The following WDR33 variants were observed in gnomAD, a reference collection of about 807,000 sequenced individuals.
WDR33 encodes pre-mRNA 3' end processing protein WDR33.
A neutral mutation model predicts 164.9 loss-of-function variants in WDR33; 47 were observed. The observed-to-expected ratio is 0.29, with a 90% CI of 0.23 to 0.36. WDR33 has a LOEUF of 0.36. Ranked by LOEUF, WDR33 falls within the 10% of genes least tolerant of loss-of-function variation. The pLI is 1.00. For synonymous variants in WDR33, 505 were observed against 589.0 expected (o/e 0.86, Z 2.06); for missense variants, 1,137 against 1,754.1 (o/e 0.65, Z 6.28).
Position 127,709,932 on chromosome 2 carries a change from A to G in WDR33, c.3309-76T>C, listed in dbSNP as rs1314914198. 9 of 1,518,954 alleles carry G rather than the reference A, an allele frequency of 5.9e-6. No homozygotes were observed. 94.1% of individuals were successfully genotyped at this position (1,518,954 alleles called of 1,614,324 possible). On this transcript the variant is annotated intron_variant, in intron 18 of 21. Transcript: ENST00000322313. This position sits in a 1 kb window ranked among gnomAD's most constrained non-coding sequence, Gnocchi z 5.0. ...CTAAGTTCATGTTTCAAAGAAGCAT[A>G]TGATATGAGAAAGCATGATACAATG...
chr2:127,796,658 GCTT>G (rs1313522382), intron 1 of WDR33, among the ~76,000 whole-genome samples: 11 of 151,836 alleles, frequency 7.2e-5, no homozygotes, highest in African/African-American at 2.4e-4. Context: ...TTCATTACAT[GCTT>G]TTTTATTCCA....
chr2:127,748,229 T>C (rs1428947705), intron 7 of WDR33, among the ~76,000 whole-genome samples: 1 of 152,162 alleles, frequency 6.6e-6, no homozygotes, highest in African/African-American at 2.4e-5. Flanking sequence ...AATCCTATAA[T>C]ACATTATAAC....
At chr2:127,756,674 A>T (rs1687529808) in intron 7 of WDR33, among the ~76,000 whole-genome samples, 1 of 152,202 alleles carries the variant, frequency 6.6e-6, no homozygotes, top group Non-Finnish European at 1.5e-5. Context: ...ACAATTATAG[A>T]ACAGACAACT....
chr2:127,800,654 A>C (rs1689204833), intron 1 of WDR33, among the ~76,000 whole-genome samples: 5 of 141,814 alleles, frequency 3.5e-5, no homozygotes. Context: ...AAAAAAAAAA[A>C]CCAACAAGCA....
Position 127,702,256 on chromosome 2 carries a change from C to A in WDR33, c.*4067G>T. 1 of 1,147,196 alleles carries A rather than the reference C, an allele frequency of 8.7e-7. No individual in the cohort carries two copies. Among genetic ancestry groups the A allele is most frequent in the East Asian group, 4.2e-5 (1 of 23,704 alleles). 71.1% of individuals were successfully genotyped at this position (1,147,196 alleles called of 1,614,324 possible). A position where few individuals can be genotyped will look rare whatever the true frequency, so the allele number is the denominator to read the frequency against. On this transcript the variant is annotated 3_prime_UTR_variant, in exon 22 of 22. Transcript: ENST00000322313. ...CGCGCCGGCCGAGCTGAGGACTGCA[C>A]GCCGCTGTGCGGAAGCCCGTGGCGA... is the stretch of plus-strand genomic sequence containing the variant.
chr2:127,766,125 T>C (rs1687813065), intron 4 of WDR33, among the ~76,000 whole-genome samples: 1 of 152,232 alleles, frequency 6.6e-6, no homozygotes, highest in African/African-American at 2.4e-5. Flanking sequence ...GTGGCATATG[T>C]GCTGGTTAAT....
intron 1 of WDR33, among the ~76,000 whole-genome samples, chr2:127,790,687 T>C (rs187256789): frequency 1.3e-5 from 2 of 152,274 alleles, no homozygotes; most frequent in African/African-American, 4.8e-5. Flanking sequence ...CACAGTTCAC[T>C]GCAGCCTCGA....
chr2:127,775,073 A>C (rs1295215123), intron 1 of WDR33, among the ~76,000 whole-genome samples: 2 of 151,850 alleles, frequency 1.3e-5, no homozygotes, highest in Admixed American at 1.3e-4. Flanking sequence ...TGGTGGCTGC[A>C]AAAAACTGAA....
intron 7 of WDR33, among the ~76,000 whole-genome samples, chr2:127,740,400 C>A (rs971940155): frequency 2.0e-5 from 3 of 152,144 alleles, no homozygotes; most frequent in African/African-American, 7.2e-5. Flanking sequence ...CACACACGCA[C>A]ACATACACAC....
At chr2:127,781,122 C>T (rs1047543067) in intron 1 of WDR33, among the ~76,000 whole-genome samples, 7 of 152,174 alleles carry the variant, frequency 4.6e-5, no homozygotes, top group Non-Finnish European at 1.0e-4. Context: ...CCGCAGCCTC[C>T]CGAAGTGCTG....
chr2:127,765,043 A>C (rs1687783049), intron 5 of WDR33, 64 bp from the exon 6 acceptor site: 2 of 1,582,476 alleles, frequency 1.3e-6, no homozygotes, highest in African/African-American at 2.7e-5. Flanking sequence ...CTAAAGGCTT[A>C]CAAGAGCATA....
At chr2:127,771,677 C>G (rs1688007524) in intron 1 of WDR33, among the ~76,000 whole-genome samples, 1 of 151,712 alleles carries the variant, frequency 6.6e-6, no homozygotes, top group Admixed American at 6.6e-5. Flanking sequence ...ATTTGGGAGG[C>G]TGAGACAGGA....
chr2:127,731,284 G>C (rs1686698661), intron 7 of WDR33, among the ~76,000 whole-genome samples: 1 of 98,112 alleles, frequency 1.0e-5, no homozygotes, highest in Non-Finnish European at 1.8e-5. Context: ...AACAGAGCAA[G>C]ACCCTGCCTC....
At position 127,709,513 on chromosome 2, in the gene WDR33, G is replaced by A. The variant is rs1686101818; in HGVS notation, c.3542C>T (p.Ser1181Phe). 1 of 1,613,940 alleles carries A rather than the reference G, an allele frequency of 6.2e-7. No homozygotes were observed. Reference protein sequence around the residue: ...PRFEGGRKPDSWDGNREPGPG... With the variant: ...PRFEGGRKPDFWDGNREPGPG... ...ACCAGGCTCTCTGTTTCCATCCCAG[G>A]AATCTGGCTTCCGCCCTCCTTCAAA... Residue 1181 changes from serine (S) to phenylalanine (F), a missense_variant, in exon 20 of 22, where the codon TCC becomes TTC. Ser to Phe is a radical substitution (Grantham distance 155, BLOSUM62 -2). Around this residue, in one of 9 missense-constraint regions of WDR33, gnomAD observed 867 missense variants for 1,073.0 expected, o/e 0.81. Coordinates refer to ENST00000322313, the MANE Select transcript of WDR33 (RefSeq NM_018383.5). The surrounding 1 kb of genome is among the most constrained non-coding windows in gnomAD (Gnocchi z 5.0).
intron 1 of WDR33, among the ~76,000 whole-genome samples, chr2:127,796,813 A>G (rs1653549619): frequency 6.6e-6 from 1 of 152,078 alleles, no homozygotes; most frequent in Non-Finnish European, 1.5e-5. Flanking sequence ...AAGTTTCAGT[A>G]CACATTCTGG....
At chr2:127,766,919 C>T (rs764353648) in intron 4 of WDR33, among the ~76,000 whole-genome samples, 10 of 152,112 alleles carry the variant, frequency 6.6e-5, no homozygotes, top group Admixed American at 5.9e-4. Flanking sequence ...CCACCACACC[C>T]GGCTAATTTT....
intron 18 of WDR33, among the ~76,000 whole-genome samples, chr2:127,711,780 A>ATATATATATATATTTTTTTT: frequency 1.1e-5 from 1 of 88,320 alleles, no homozygotes; most frequent in African/African-American, 6.5e-5. Context: ...ATATATATAT[A>ATATATATATATATTTTTTTT]TTTTTTTTTT....
chr2:127,733,763 G>A (rs1188740080), intron 7 of WDR33, among the ~76,000 whole-genome samples: 1 of 152,106 alleles, frequency 6.6e-6, no homozygotes, highest in Non-Finnish European at 1.5e-5. Flanking sequence ...CCTAAAGAAA[G>A]TGTCCCTTTA....
In WDR33 at chr2:127,706,248, T is replaced by C; in HGVS notation, c.*75A>G. Reference sequence around the variant, plus strand: ...GGGCTACAATGGTGCAGGCTTCCTTTTGTTTCTCTTGGTGAGTCCACAAGA... The same window carrying C: ...GGGCTACAATGGTGCAGGCTTCCTTCTGTTTCTCTTGGTGAGTCCACAAGA... On this transcript the variant is annotated 3_prime_UTR_variant, in exon 22 of 22. Transcript: ENST00000322313. The surrounding 1 kb of genome is among the most constrained non-coding windows in gnomAD (Gnocchi z 5.1). The C allele has an allele frequency of 1.5e-6, 2 of 1,354,368 alleles. No individual in the cohort carries two copies. The highest frequency in any genetic ancestry group is 3.3e-5 in the South Asian group (2 of 60,000). The allele number at this position is 1,354,368 out of a possible 1,614,324, so 83.9% of individuals were successfully genotyped here.
Sources: allele counts gnomAD v4.1 joint callset (sites outside exome capture counted in the v4.1 genomes callset), GRCh38; gene constraint gnomAD v4.1.1; regional missense constraint gnomAD v4.1.1; non-coding constraint Gnocchi (gnomAD v3.1); transcripts MANE v1.5; gene names NCBI Gene and HGNC (gene_info 2026-07-23, HGNC 2026-07-21).